PCDHGB3: variants seen among roughly 807,000 people sequenced by gnomAD.
The protein encoded by PCDHGB3 is protocadherin gamma-B3.
PCDHGB3 carries 40 observed loss-of-function variants against 59.2 expected under a neutral mutation model. The ratio of observed to expected loss-of-function variants is 0.68; its 90% CI spans 0.52 to 0.88. PCDHGB3 has a LOEUF of 0.88. PCDHGB3 is among the 40% of genes least tolerant of loss of function. PCDHGB3 has a pLI of 0.00. For synonymous variants in PCDHGB3, 581 were observed against 503.6 expected, an observed-to-expected ratio of 1.15 and a Z score of -2.06; for missense variants, 1,309 against 1,187.9, an observed-to-expected ratio of 1.10 and a Z score of -1.50.
At chr5:141,384,274 G>C (rs1396743546) in intron 1 of PCDHGB3, 1 of 1,613,704 alleles carries the variant, frequency 6.2e-7, no homozygotes, top group Non-Finnish European at 8.5e-7. Flanking sequence ...ATCCTACTCA[G>C]TCTACATCGC....
At chr5:141,510,887 G>C (rs2099883217) in intron 3 of PCDHGB3, 60 bp from the exon 4 acceptor site, 2 of 1,612,600 alleles carry the variant, frequency 1.2e-6, no homozygotes, top group East Asian at 4.5e-5. Context: ...GGGGATATAA[G>C]ACAGTGACTG....
At chr5:141,385,281 C>G (rs761366864) in intron 1 of PCDHGB3, 15 of 1,613,230 alleles carry the variant, frequency 9.3e-6, no homozygotes, top group Admixed American at 3.3e-5. Flanking sequence ...TGCTAACATC[C>G]GTAGATTTTC....
At chr5:141,407,980 C>T in intron 1 of PCDHGB3, 1 of 760,358 alleles carries the variant, frequency 1.3e-6, no homozygotes, top group Non-Finnish European at 2.0e-6. Context: ...CGCCGGGGAT[C>T]CGTCAGCCTC....
In PCDHGB3 at chr5:141,492,000, A is replaced by G; in HGVS notation, c.2416-2807A>G. On this transcript the variant is annotated intron_variant, in intron 1 of 3. Transcript: ENST00000576222. The surrounding 1 kb of genome is among the most constrained non-coding windows in gnomAD (Gnocchi z 6.9). Reference sequence around the variant, plus strand: ...TCGAGCTTCCGGTGAATTTCGGGCGATTTCCGCGGGTGTCGGGGGTCCCGG... The same window carrying G: ...TCGAGCTTCCGGTGAATTTCGGGCGGTTTCCGCGGGTGTCGGGGGTCCCGG... 1 of 659,856 alleles carries G rather than the reference A, an allele frequency of 1.5e-6. No homozygotes were observed. The highest frequency in any genetic ancestry group is 3.1e-5 in the South Asian group (1 of 32,438). 40.9% of individuals were successfully genotyped at this position (659,856 alleles called of 1,614,324 possible).
chr5:141,410,023 C>T (rs1172248089), intron 1 of PCDHGB3: 1 of 1,613,310 alleles, frequency 6.2e-7, no homozygotes, highest in South Asian at 1.1e-5. Flanking sequence ...TGTCCTACCA[C>T]GTGCTGCAGG....
At chr5:141,404,524 G>C (rs368795324) in intron 1 of PCDHGB3, 3 of 1,613,938 alleles carry the variant, frequency 1.9e-6, no homozygotes, top group Non-Finnish European at 2.5e-6. Context: ...ACTATGAGCA[G>C]TTTAGAGATT....
chr5:141,421,670 T>A, intron 1 of PCDHGB3: 3 of 1,613,892 alleles, frequency 1.9e-6, no homozygotes, highest in Non-Finnish European at 2.5e-6. Flanking sequence ...GAGCACGCAA[T>A]TCCTGGGGCG....
At chr5:141,409,972 G>A in intron 1 of PCDHGB3, 1 of 1,613,374 alleles carries the variant, frequency 6.2e-7, no homozygotes, top group South Asian at 1.1e-5. Context: ...TAGTGACTAA[G>A]GTGGTAGCGG....
intron 1 of PCDHGB3, chr5:141,385,593 C>A: frequency 8.1e-7 from 1 of 1,235,054 alleles, no homozygotes; most frequent in African/African-American, 1.6e-5. Flanking sequence ...TTCCAACCTA[C>A]TTTCTTAACT....
chr5:141,389,787 G>A, intron 1 of PCDHGB3: 1 of 1,613,328 alleles, frequency 6.2e-7, no homozygotes, highest in Non-Finnish European at 8.5e-7. Flanking sequence ...CGACAGGGAC[G>A]CCGTCCGCCA....
chr5:141,462,209 C>T (rs1158675305), intron 1 of PCDHGB3, among the ~76,000 whole-genome samples: 6 of 152,172 alleles, frequency 3.9e-5, no homozygotes, highest in Non-Finnish European at 8.8e-5. Flanking sequence ...ATCCGCCTGC[C>T]TCGGCCTCCC....
In PCDHGB3 at chr5:141,485,269, C is replaced by T. The variant is rs760197007; in HGVS notation, c.2416-9538C>T. The T allele has an allele frequency of 6.2e-7, 1 of 1,614,090 alleles. No homozygotes were observed. Among genetic ancestry groups the T allele is most frequent in the Admixed American group, 1.7e-5 (1 of 60,028 alleles). On this transcript the variant is annotated intron_variant, in intron 1 of 3. Transcript: ENST00000576222. The surrounding 1 kb of genome is among the most constrained non-coding windows in gnomAD (Gnocchi z 5.7). ...TGGGTTACGTTTGTGGGCAGATCCG[C>T]TACCCGGTCCCAGAGGAGTCACAGG... is the stretch of plus-strand genomic sequence containing the variant.
At chr5:141,409,212 T>C (rs751644523) in intron 1 of PCDHGB3, 1 of 1,613,924 alleles carries the variant, frequency 6.2e-7, no homozygotes, top group Non-Finnish European at 8.5e-7. Context: ...ATCATAGAAA[T>C]CCTTGATGAA....
At chr5:141,386,804 A>G (rs976518864) in intron 1 of PCDHGB3, among the ~76,000 whole-genome samples, 3 of 152,238 alleles carry the variant, frequency 2.0e-5, no homozygotes, top group Non-Finnish European at 2.9e-5. Context: ...AATTTATTAG[A>G]TGCATAAAAT....
chr5:141,423,689 G>A (rs2096767103), intron 1 of PCDHGB3: 2 of 1,400,130 alleles, frequency 1.4e-6, no homozygotes, highest in Non-Finnish European at 9.4e-7. Context: ...CCTCCTAATT[G>A]TTGGTGTCTT....
intron 1 of PCDHGB3, among the ~76,000 whole-genome samples, chr5:141,450,166 T>TCCCACCACACC (rs1046248061): frequency 2.0e-5 from 3 of 151,062 alleles, no homozygotes; most frequent in African/African-American, 7.3e-5. Flanking sequence ...GCCACCACAC[T>TCCCACCACACC]CCCACCACAC....
Position 141,485,365 on chromosome 5 carries a change from G to A in PCDHGB3, c.2416-9442G>A. 1 of 1,614,120 alleles carries A rather than the reference G, an allele frequency of 6.2e-7. No homozygotes were observed. Among genetic ancestry groups the A allele is most frequent in the Admixed American group, 1.7e-5 (1 of 60,018 alleles). ...CGGACAGTCTGTCAGCTCGCAGGCT[G>A]CAGGTCGCTGGAGAGGTGAACCAAA... On this transcript the variant is annotated intron_variant, in intron 1 of 3. Transcript: ENST00000576222. The surrounding 1 kb of genome is among the most constrained non-coding windows in gnomAD (Gnocchi z 5.7).
chr5:141,413,524 A>T lies in PCDHGB3; in HGVS notation c.2415+40715A>T, dbSNP rs772774054. The T allele has an allele frequency of 9.3e-6, 15 of 1,613,856 alleles. No individual in the cohort carries two copies. In the Admixed American group the frequency reaches 2.5e-4, roughly 27 times the overall value. ...GAGTTTTAATATCCTTGTGGAAGACAGGGTGAAACTTTTTGGGATAGAAAT... is the reference window on the plus strand; with the variant it reads ...GAGTTTTAATATCCTTGTGGAAGACTGGGTGAAACTTTTTGGGATAGAAAT... On this transcript the variant is annotated intron_variant, in intron 1 of 3. Coordinates refer to ENST00000576222, the MANE Select transcript of PCDHGB3 (RefSeq NM_018924.5).
chr5:141,420,187 CA>C (rs779974762), intron 1 of PCDHGB3: 25 of 1,613,706 alleles, frequency 1.5e-5, no homozygotes, highest in Non-Finnish European at 2.1e-5. Flanking sequence ...ATTGTCCAGC[CA>C]CACAAGATAA....
Sources: gnomAD v4.1 joint callset for allele counts (sites outside exome capture counted in the v4.1 genomes callset) on GRCh38, gnomAD v4.1.1 for gene constraint, Gnocchi (gnomAD v3.1) non-coding constraint, MANE v1.5 for transcripts, NCBI Gene and HGNC (gene_info 2026-07-23, HGNC 2026-07-21) for gene names.